SLC10A7: variants seen among roughly 807,000 people sequenced by gnomAD.
SLC10A7 encodes the protein solute carrier family 10 member 7, also known as sodium/bile acid cotransporter 7.
Under a neutral mutation model 43.2 loss-of-function variants are expected in SLC10A7, and 29 were observed. That is an observed-to-expected ratio of 0.67 (90% CI 0.50 to 0.92). SLC10A7 has a LOEUF of 0.92. SLC10A7 is among the 40% of genes least tolerant of loss of function. The pLI, the probability that SLC10A7 is intolerant of heterozygous loss-of-function variation, is 0.00. For missense variants in SLC10A7, 295 were observed against 403.2 expected, an observed-to-expected ratio of 0.73 and a Z score of 2.30; for synonymous variants, 152 against 144.8, an observed-to-expected ratio of 1.05 and a Z score of -0.35.
At chr4:146,379,957 CTCTGTGTG>C (rs1737491724) in intron 5 of SLC10A7, among the ~76,000 whole-genome samples, 1 of 143,778 alleles carries the variant, frequency 7.0e-6, no homozygotes, top group African/African-American at 2.9e-5. Context: ...CTCTCTCTCT[CTCTGTGTG>C]TGTGTGTGTG....
rs757958321 is a variant in SLC10A7 at position 146,294,076 on chromosome 4, T to C, written c.575A>G (p.Lys192Arg). The change falls in exon 8 of 12, where the codon AAG becomes AGG. Residue 192 changes from lysine to arginine, a missense_variant. Coordinates refer to ENST00000335472, the MANE Select transcript of SLC10A7 (RefSeq NM_001029998.6). Reference sequence around the variant, plus strand: ...AGGCTTCTTTCTCTCAAGCCAATCCTTGATGTATCTTCGGACAATCTGAAA... The same window carrying C: ...AGGCTTCTTTCTCTCAAGCCAATCCCTGATGTATCTTCGGACAATCTGAAA... ...IIGQIVRRYI[K>R]DWLERKKPPF... 6.7e-5 allele frequency: 108 copies of C among 1,609,704 alleles called. No homozygotes were observed. In the East Asian group the frequency reaches 2.4e-3, roughly 35 times the overall value.
At chr4:146,349,105 T>C (rs1258210058) in intron 5 of SLC10A7, among the ~76,000 whole-genome samples, 1 of 152,192 alleles carries the variant, frequency 6.6e-6, no homozygotes, top group East Asian at 1.9e-4. Flanking sequence ...TCAAATGATT[T>C]TTGCTGGTTT....
intron 4 of SLC10A7, among the ~76,000 whole-genome samples, chr4:146,489,110 T>C (rs751887767): frequency 6.6e-5 from 10 of 152,202 alleles, no homozygotes; most frequent in Non-Finnish European, 1.3e-4. Flanking sequence ...AGGGCTGTAG[T>C]ACAGAAATGG....
In SLC10A7 at chr4:146,264,098, G is replaced by A. The variant is rs1389994080; in HGVS notation, c.848-5261C>T. On this transcript the variant is annotated intron_variant, in intron 10 of 11. Transcript: ENST00000335472. The stretch of plus-strand genomic sequence containing the variant: ...GACATCTGCCAAGTAGCAACTTCAA[G>A]TAAGAGCTTTCTTCCTCTAACAAGC... Among the ~76,000 whole-genome samples the A allele has an allele frequency of 3.9e-5, 6 of 152,330 alleles. No individual in the cohort carries two copies. In the East Asian group the frequency reaches 9.6e-4, roughly 24 times the overall value.
intron 4 of SLC10A7, among the ~76,000 whole-genome samples, chr4:146,495,859 T>C (rs1017562687): frequency 4.6e-5 from 7 of 151,638 alleles, no homozygotes; most frequent in African/African-American, 1.7e-4. Context: ...CAAATCAAAA[T>C]GTTTCTTTAA....
At chr4:146,449,121 C>A (rs1388535358) in intron 4 of SLC10A7, among the ~76,000 whole-genome samples, 1 of 152,118 alleles carries the variant, frequency 6.6e-6, no homozygotes, top group South Asian at 2.1e-4. Context: ...ACAGGAGCAT[C>A]GGATACACCC....
rs555781700 is a variant in SLC10A7, at chr4:146,385,309, T to A, written c.435+57474A>T. 2.9e-4 allele frequency among the ~76,000 whole-genome samples: 44 copies of A among 152,304 alleles called. No homozygotes were observed. In the South Asian group the frequency reaches 8.9e-3, roughly 31 times the overall value. ...ATTACAGAAGGTTGATATTATTAGG[T>A]TAGTGCAAAAGTAACTGCGGTTTTT... On this transcript the variant is annotated intron_variant, in intron 5 of 11. Coordinates refer to ENST00000335472, the MANE Select transcript of SLC10A7 (RefSeq NM_001029998.6).
At chr4:146,290,864 C>A (rs749103002) in intron 9 of SLC10A7, among the ~76,000 whole-genome samples, 1 of 151,990 alleles carries the variant, frequency 6.6e-6, no homozygotes, top group South Asian at 2.1e-4. Context: ...TGTCTCTAAA[C>A]CAAACCAAAC....
chr4:146,521,590 G>A (rs764753813), intron 1 of SLC10A7, 28 bp downstream of exon 1: 2 of 1,583,626 alleles, frequency 1.3e-6, no homozygotes, highest in East Asian at 2.2e-5. Flanking sequence ...GGGAGCCGCG[G>A]TGGAGCCGGC....
At chr4:146,502,145 A>C (rs763230961) in intron 4 of SLC10A7, among the ~76,000 whole-genome samples, 1 of 152,214 alleles carries the variant, frequency 6.6e-6, no homozygotes, top group Non-Finnish European at 1.5e-5. Context: ...AAATCAGCAC[A>C]TGAAAAGATA....
intron 4 of SLC10A7, among the ~76,000 whole-genome samples, chr4:146,464,367 T>A (rs1367381240): frequency 6.6e-6 from 1 of 152,178 alleles, no homozygotes; most frequent in Non-Finnish European, 1.5e-5. Context: ...AAAACATTAA[T>A]GTAGTTAACT....
chr4:146,520,992 A>G (rs1014995364), intron 1 of SLC10A7, among the ~76,000 whole-genome samples: 4 of 152,118 alleles, frequency 2.6e-5, no homozygotes, highest in African/African-American at 7.2e-5. Context: ...ATAGTCTAAC[A>G]GTCTGTATCT....
At chr4:146,337,026 T>A (rs1375667228) in intron 5 of SLC10A7, among the ~76,000 whole-genome samples, 1 of 151,852 alleles carries the variant, frequency 6.6e-6, no homozygotes, top group Non-Finnish European at 1.5e-5. Flanking sequence ...CTATCCAGGT[T>A]AAGAGTGACA....
chr4:146,431,431 T>A (rs1375576688), intron 5 of SLC10A7, among the ~76,000 whole-genome samples: 1 of 152,130 alleles, frequency 6.6e-6, no homozygotes, highest in Non-Finnish European at 1.5e-5. Context: ...ATACACAATA[T>A]TAAATATTCA....
chr4:146,499,543 T>A (rs1328195227), intron 4 of SLC10A7, among the ~76,000 whole-genome samples: 1 of 152,210 alleles, frequency 6.6e-6, no homozygotes, highest in Non-Finnish European at 1.5e-5. Flanking sequence ...GTATTAAACT[T>A]TTCTACTACC....
chr4:146,521,705 C>G lies in SLC10A7; in HGVS notation c.13G>C (p.Glu5Gln). The G allele has an allele frequency of 1.2e-6, 2 of 1,614,112 alleles. No individual in the cohort carries two copies. Among genetic ancestry groups the G allele is most frequent in the African/African-American group, 2.7e-5 (2 of 75,048 alleles). MRLL[E>Q]RMRKDWFMVG... ...ATGAACCAGTCTTTCCTCATTCTCT[C>G]CAGCAGCCTCATATTTGTTAGGGTG... is the stretch of plus-strand genomic sequence containing the variant. Residue 5 changes from glutamate (E) to glutamine (Q), a missense_variant, in exon 1 of 12, where the codon GAG (glutamate) becomes CAG (glutamine). Coordinates refer to ENST00000335472, the MANE Select transcript of SLC10A7 (RefSeq NM_001029998.6).
At position 146,288,816 on chromosome 4, in the gene SLC10A7, TTTTTAATGATTC is replaced by T. The variant is rs1214944603; in HGVS notation, c.773+4101_773+4112del. ...TAATATTGATTTTCTTTTTATCCTGTTTTTAATGATTCTTTTGATCACTTTGCCTTCTCTTGA... is the reference window on the plus strand; with the variant it reads ...TAATATTGATTTTCTTTTTATCCTGTTTTTGATCACTTTGCCTTCTCTTGA... On this transcript the variant is annotated intron_variant, in intron 9 of 11. Transcript: ENST00000335472. 2.6e-5 allele frequency among the ~76,000 whole-genome samples: 4 copies of T among 152,370 alleles called. No individual in the cohort carries two copies. The East Asian group carries it at 5.8e-4, about 22-fold the overall frequency.
chr4:146,263,488 A>G (rs1338442436), intron 10 of SLC10A7, among the ~76,000 whole-genome samples: 1 of 152,246 alleles, frequency 6.6e-6, no homozygotes, highest in East Asian at 1.9e-4. Context: ...ATTAGAAAAA[A>G]AAAGTAATAA....
chr4:146,516,038 C>G (rs1737931656), intron 2 of SLC10A7, among the ~76,000 whole-genome samples: 1 of 151,132 alleles, frequency 6.6e-6, no homozygotes, highest in African/African-American at 2.4e-5. Context: ...AAGGAGATAA[C>G]TAAATTTAGT....
Sources: gnomAD v4.1 joint callset for allele counts (sites outside exome capture counted in the v4.1 genomes callset) on GRCh38, gnomAD v4.1.1 for gene constraint, MANE v1.5 for transcripts, NCBI Gene and HGNC (gene_info 2026-07-23, HGNC 2026-07-21) for gene names.